The following PEBP4 variants were observed in gnomAD, a reference collection of about 807,000 sequenced individuals.
PEBP4 encodes the protein phosphatidylethanolamine binding protein 4, also known as phosphatidylethanolamine-binding protein 4.
PEBP4 carries 22 observed loss-of-function variants against 23.9 expected under a neutral mutation model. That is an observed-to-expected ratio of 0.92 (90% CI 0.66 to 1.31). The LOEUF is 1.31. Among genes scored for constraint, PEBP4 ranks in the 40% most tolerant of loss-of-function variants. PEBP4 has a pLI of 0.00. For missense variants in PEBP4, 324 were observed against 281.7 expected, an observed-to-expected ratio of 1.15 and a Z score of -1.07; for synonymous variants, 112 against 99.3, an observed-to-expected ratio of 1.13 and a Z score of -0.76.
chr8:22,890,048 G>A (rs1020476328), intron 3 of PEBP4, among the ~76,000 whole-genome samples: 2 of 152,226 alleles, frequency 1.3e-5, no homozygotes, highest in African/African-American at 4.8e-5. Flanking sequence ...TCCTTGATAG[G>A]AGTGAGGAGA....
intron 4 of PEBP4, among the ~76,000 whole-genome samples, chr8:22,749,549 G>A (rs925487316): frequency 1.3e-5 from 2 of 152,164 alleles, no homozygotes; most frequent in African/African-American, 4.8e-5. Context: ...TCTCTGAGAT[G>A]GCCCTCGTTT....
At chr8:22,726,727 C>T (rs949948842) in intron 5 of PEBP4, among the ~76,000 whole-genome samples, 2 of 152,326 alleles carry the variant, frequency 1.3e-5, no homozygotes, top group African/African-American at 2.4e-5. Context: ...GGTGCCCAAG[C>T]CCACGCTGCT....
intron 6 of PEBP4, among the ~76,000 whole-genome samples, chr8:22,717,457 TTTCCATCCTGATGTAC>T (rs1427013358): frequency 3.5e-5 from 2 of 57,894 alleles, no homozygotes; most frequent in African/African-American, 2.0e-4. Context: ...TCCTGATGTA[TTTCCATCCTGATGTAC>T]TTCCCTCTTA....
chr8:22,830,278 C>T (rs528868114), intron 3 of PEBP4, among the ~76,000 whole-genome samples: 59 of 151,470 alleles, frequency 3.9e-4, no homozygotes, highest in Middle Eastern at 6.8e-3. Flanking sequence ...TACAGGTGCG[C>T]ACCACCACGC....
chr8:22,767,287 C>T (rs1009638310), intron 4 of PEBP4, among the ~76,000 whole-genome samples: 8 of 152,216 alleles, frequency 5.3e-5, no homozygotes, highest in South Asian at 2.1e-4. Flanking sequence ...AGCTGTGACA[C>T]GCTGGTGTGG....
At chr8:22,759,728 G>C (rs528312524) in intron 4 of PEBP4, among the ~76,000 whole-genome samples, 1 of 152,204 alleles carries the variant, frequency 6.6e-6, no homozygotes, top group Admixed American at 6.5e-5. Context: ...AGTTCCTCGA[G>C]AAGCCCCCAT....
chr8:22,870,560 G>T (rs558421196), intron 3 of PEBP4, among the ~76,000 whole-genome samples: 21 of 152,266 alleles, frequency 1.4e-4, no homozygotes, highest in Middle Eastern at 6.8e-3. Flanking sequence ...AACACCAAGA[G>T]CGTAACCTAA....
At chr8:22,741,946 G>C (rs781376922) in intron 4 of PEBP4, among the ~76,000 whole-genome samples, 1 of 152,208 alleles carries the variant, frequency 6.6e-6, no homozygotes, top group Admixed American at 6.5e-5. Context: ...TCACAGCAGA[G>C]GGAGGGACCC....
chr8:22,829,752 C>T (rs983630092), intron 3 of PEBP4, among the ~76,000 whole-genome samples: 17 of 152,158 alleles, frequency 1.1e-4, no homozygotes, highest in Admixed American at 1.0e-3. Flanking sequence ...TTTAAAGACA[C>T]CTTCCTTGGC....
At chr8:22,911,738 A>G (rs1354148941) in intron 3 of PEBP4, among the ~76,000 whole-genome samples, 2 of 151,932 alleles carry the variant, frequency 1.3e-5, no homozygotes, top group African/African-American at 4.8e-5. Flanking sequence ...GATCCCAAAC[A>G]TGTGAAGAGC....
chr8:22,767,953 T>C (rs1262346833), intron 4 of PEBP4, among the ~76,000 whole-genome samples: 1 of 152,176 alleles, frequency 6.6e-6, no homozygotes, highest in African/African-American at 2.4e-5. Flanking sequence ...CAGGCTGGTC[T>C]CGAACTCTTG....
chr8:22,871,287 C>T (rs1013303771), intron 3 of PEBP4, among the ~76,000 whole-genome samples: 4 of 152,208 alleles, frequency 2.6e-5, no homozygotes, highest in African/African-American at 9.6e-5. Flanking sequence ...TAGGCTTGGG[C>T]CCACATTTTG....
At chr8:22,850,956 C>G (rs1266844420) in intron 3 of PEBP4, among the ~76,000 whole-genome samples, 1 of 151,992 alleles carries the variant, frequency 6.6e-6, no homozygotes, top group Non-Finnish European at 1.5e-5. Context: ...AAAAAGAAAA[C>G]AGACTCAGAA....
chr8:22,928,690 G>A (rs1282297429), upstream of PEBP4, among the ~76,000 whole-genome samples: 2 of 152,108 alleles, frequency 1.3e-5, no homozygotes, highest in African/African-American at 2.4e-5. Flanking sequence ...GGGTGGGAGA[G>A]ACGTGCCAGC....
intron 4 of PEBP4, among the ~76,000 whole-genome samples, chr8:22,808,048 C>T (rs1001988744): frequency 1.3e-5 from 2 of 152,012 alleles, no homozygotes; most frequent in African/African-American, 4.8e-5. Context: ...TCCATCCATC[C>T]ATTCATCCAT....
At chr8:22,715,872 G>C (rs117921022) in intron 6 of PEBP4, among the ~76,000 whole-genome samples, 2,876 of 152,312 alleles carry the variant, frequency 0.019, 58 homozygotes, top group Non-Finnish European at 0.028. Flanking sequence ...TGTGTGGGGA[G>C]AGCTGGAGAG....
chr8:22,925,525 A>AAAGGAGTC (rs1330209681), intron 2 of PEBP4, among the ~76,000 whole-genome samples: 1 of 152,196 alleles, frequency 6.6e-6, no homozygotes, highest in Non-Finnish European at 1.5e-5. Context: ...ACTGACAGTG[A>AAAGGAGTC]AAGGAGTCAA....
chr8:22,813,336 G>A (rs892102322), intron 4 of PEBP4, among the ~76,000 whole-genome samples: 4 of 152,074 alleles, frequency 2.6e-5, no homozygotes, highest in African/African-American at 4.8e-5. Context: ...AATCATTGAC[G>A]GTTTCTAGGA....
At chr8:22,813,117 C>T (rs1227096182) in intron 4 of PEBP4, among the ~76,000 whole-genome samples, 1 of 151,984 alleles carries the variant, frequency 6.6e-6, no homozygotes, top group Non-Finnish European at 1.5e-5. Context: ...ACTTAGAAGC[C>T]CTTAGGAAAA....
Sources: gnomAD v4.1 joint callset for allele counts (sites outside exome capture counted in the v4.1 genomes callset) on GRCh38, gnomAD v4.1.1 for gene constraint, MANE v1.5 for transcripts, NCBI Gene and HGNC (gene_info 2026-07-23, HGNC 2026-07-21) for gene names.